The following ARHGEF26 variants were observed in gnomAD, a reference collection of about 807,000 sequenced individuals.
ARHGEF26 encodes Rho guanine nucleotide exchange factor (GEF) 26.
A neutral mutation model predicts 89.4 loss-of-function variants in ARHGEF26; 59 were observed. The ratio of observed to expected loss-of-function variants is 0.66; its 90% CI spans 0.54 to 0.82. The LOEUF is 0.82. ARHGEF26 is among the 40% of genes least tolerant of loss of function. The probability of loss-of-function intolerance (pLI) is 0.00; values close to 1 mark genes in which losing one functional copy is unlikely to be tolerated. For synonymous variants in ARHGEF26, 500 were observed against 428.4 expected (o/e 1.17, Z -2.06); for missense variants, 1,234 against 1,085.6 (o/e 1.14, Z -1.92).
chr3:154,162,893 T>C (rs1711754756), intron 6 of ARHGEF26, among the ~76,000 whole-genome samples: 1 of 152,182 alleles, frequency 6.6e-6, no homozygotes, highest in South Asian at 2.1e-4. Context: ...ATCATACAAA[T>C]GCACTATAAT....
At chr3:154,141,310 GTTACACAGT>G (rs1412213837) in intron 4 of ARHGEF26, among the ~76,000 whole-genome samples, 1 of 152,118 alleles carries the variant, frequency 6.6e-6, no homozygotes, top group Non-Finnish European at 1.5e-5. Context: ...GCCAAAGTGA[GTTACACAGT>G]TTAGTTGCCC....
chr3:154,179,018 C>T (rs1399433618), intron 6 of ARHGEF26, among the ~76,000 whole-genome samples: 2 of 152,126 alleles, frequency 1.3e-5, no homozygotes, highest in Non-Finnish European at 2.9e-5. Flanking sequence ...TAGGCCCAGG[C>T]TATGTTTATA....
rs903795389 is a variant in ARHGEF26 at position 154,199,363 on chromosome 3, G to T, written c.1845+4645G>T. Among the ~76,000 whole-genome samples, 15 of 152,096 alleles carry T rather than the reference G, an allele frequency of 9.9e-5. No individual in the cohort carries two copies. The East Asian group carries it at 2.9e-3, about 29-fold the overall frequency. Reference sequence around the variant, plus strand: ...ATTTCATTTAACATAATGACCTCCAGTTCCAGCCGTGTTGTTGCAAATGAC... The same window carrying T: ...ATTTCATTTAACATAATGACCTCCATTTCCAGCCGTGTTGTTGCAAATGAC... On this transcript the variant is annotated intron_variant, in intron 9 of 14. Coordinates refer to ENST00000465093, the MANE Select transcript of ARHGEF26 (RefSeq NM_015595.4).
chr3:154,204,378 A>G (rs1236404810), intron 9 of ARHGEF26, among the ~76,000 whole-genome samples: 1 of 120,780 alleles, frequency 8.3e-6, no homozygotes, highest in African/African-American at 3.2e-5. Context: ...TGTATCTCCC[A>G]GGCTGGAGTG....
chr3:154,206,714 T>C (rs939259226), intron 9 of ARHGEF26, among the ~76,000 whole-genome samples: 2 of 152,158 alleles, frequency 1.3e-5, no homozygotes, highest in Admixed American at 6.6e-5. Context: ...TTCAATGCTT[T>C]TATTATTAAA....
chr3:154,134,466 A>T (rs548537157), intron 4 of ARHGEF26, among the ~76,000 whole-genome samples: 1 of 152,106 alleles, frequency 6.6e-6, no homozygotes. Context: ...AAACCATCAG[A>T]TCTCGTGAGA....
At chr3:154,202,162 A>C (rs1714685816) in intron 9 of ARHGEF26, among the ~76,000 whole-genome samples, 1 of 152,134 alleles carries the variant, frequency 6.6e-6, no homozygotes, top group Admixed American at 6.5e-5. Context: ...TCTTTAATCC[A>C]TCTTGAATTA....
At chr3:154,167,056 C>T (rs530359390) in intron 6 of ARHGEF26, among the ~76,000 whole-genome samples, 6 of 152,036 alleles carry the variant, frequency 3.9e-5, no homozygotes, top group Non-Finnish European at 8.8e-5. Context: ...TTGTATGCTC[C>T]CCAAATAAGC....
intron 9 of ARHGEF26, among the ~76,000 whole-genome samples, chr3:154,206,246 T>C (rs902047418): frequency 6.6e-6 from 1 of 152,218 alleles, no homozygotes; most frequent in Non-Finnish European, 1.5e-5. Flanking sequence ...CACTGAAAAG[T>C]CTGCTGCCAG....
intron 4 of ARHGEF26, among the ~76,000 whole-genome samples, chr3:154,132,875 G>A (rs187587527): frequency 1.2e-4 from 18 of 152,112 alleles, no homozygotes; most frequent in Non-Finnish European, 1.5e-4. Flanking sequence ...AAGGTAGCCC[G>A]TCTAATTTTG....
At chr3:154,213,294 G>A (rs1453624792) in intron 9 of ARHGEF26, among the ~76,000 whole-genome samples, 2 of 150,968 alleles carry the variant, frequency 1.3e-5, no homozygotes, top group African/African-American at 2.4e-5. Flanking sequence ...TATTAGGCCT[G>A]GGACAAAAGC....
In ARHGEF26 at chr3:154,254,322, T is replaced by TG. The variant is rs145040419; in HGVS notation, c.2369-394dup. 6.2e-3 allele frequency among the ~76,000 whole-genome samples: 938 copies of TG among 152,290 alleles called. 5 individuals are homozygous for TG. The highest frequency in any genetic ancestry group is 0.022 in the African/African-American group (899 of 41,542). On this transcript the variant is annotated intron_variant, in intron 13 of 14. Coordinates refer to ENST00000465093, the MANE Select transcript of ARHGEF26 (RefSeq NM_015595.4). ...AAACTTTCATGTGCTGCTGTTGGGATGGGGAGACACTCTGATGAGAGCCAG... is the reference window on the plus strand; with the variant it reads ...AAACTTTCATGTGCTGCTGTTGGGATGGGGGAGACACTCTGATGAGAGCCAG...
chr3:154,172,130 G>A (rs1371673598), intron 6 of ARHGEF26, among the ~76,000 whole-genome samples: 3 of 152,194 alleles, frequency 2.0e-5, no homozygotes, highest in Admixed American at 6.5e-5. Context: ...AGGTGCGACC[G>A]GCTCATTCAG....
At position 154,138,058 on chromosome 3, in the gene ARHGEF26, A is replaced by G. The variant is rs946493681; in HGVS notation, c.1269+8339A>G. Among the ~76,000 whole-genome samples the G allele has an allele frequency of 7.3e-5, 11 of 151,562 alleles. No homozygotes were observed. The South Asian group carries it at 8.4e-4, about 12-fold the overall frequency. On this transcript the variant is annotated intron_variant, in intron 4 of 14. Transcript: ENST00000465093. ...ATACAGCTTGTTTCTTTTCTGCACT[A>G]TGTGTCTTATAAGTCATTTCATATC...
intron 4 of ARHGEF26, among the ~76,000 whole-genome samples, chr3:154,142,378 G>C (rs189794867): frequency 1.1e-3 from 170 of 152,260 alleles, no homozygotes; most frequent in Non-Finnish European, 1.9e-3. Flanking sequence ...AATAAAGCTT[G>C]ATAGGTAGGC....
intron 6 of ARHGEF26, among the ~76,000 whole-genome samples, chr3:154,184,855 A>G (rs528564341): frequency 2.4e-4 from 36 of 152,302 alleles, no homozygotes; most frequent in African/African-American, 8.2e-4. Context: ...CCCAGCATGC[A>G]GTATAACCTT....
chr3:154,131,313 T>G (rs1259184725), intron 4 of ARHGEF26, among the ~76,000 whole-genome samples: 1 of 152,132 alleles, frequency 6.6e-6, no homozygotes, highest in Non-Finnish European at 1.5e-5. Context: ...AATCCAGACT[T>G]TTATGAGTAT....
In ARHGEF26 at chr3:154,256,593, A is replaced by T; in HGVS notation, c.*1120A>T. 2.1e-6 allele frequency: 2 copies of T among 947,594 alleles called. No homozygotes were observed. The highest frequency in any genetic ancestry group is 5.8e-5 in the Admixed American group (1 of 17,204). 58.7% of individuals were successfully genotyped at this position (947,594 alleles called of 1,614,324 possible). A position where few individuals can be genotyped will look rare whatever the true frequency, so the allele number is the denominator to read the frequency against. ...AAAAAAAACCTTCCCAAATGAGCTG[A>T]TAAAAAACTGACGTGAGGCTGCTTT... is the stretch of plus-strand genomic sequence containing the variant. On this transcript the variant is annotated 3_prime_UTR_variant, in exon 15 of 15. Coordinates refer to ENST00000465093, the MANE Select transcript of ARHGEF26 (RefSeq NM_015595.4).
intron 9 of ARHGEF26, among the ~76,000 whole-genome samples, chr3:154,203,117 A>G (rs1714761899): frequency 6.6e-6 from 1 of 152,128 alleles, no homozygotes; most frequent in Non-Finnish European, 1.5e-5. Flanking sequence ...CCCATTCAGT[A>G]TGATATTGGC....
Sources: gnomAD v4.1 joint callset for allele counts (sites outside exome capture counted in the v4.1 genomes callset) on GRCh38, gnomAD v4.1.1 for gene constraint, MANE v1.5 for transcripts, NCBI Gene and HGNC (gene_info 2026-07-23, HGNC 2026-07-21) for gene names.